Variants in NSMCE2 observed in about 807,000 individuals in gnomAD.
NSMCE2 encodes the protein NSE2 SUMO ligase component of SMC5/6 complex.
NSMCE2 carries 24 observed loss-of-function variants against 23.8 expected under a neutral mutation model. The ratio of observed to expected loss-of-function variants is 1.01; its 90% CI spans 0.73 to 1.42. NSMCE2 has a LOEUF of 1.42. NSMCE2 is among the 40% of genes most tolerant of loss of function. The pLI is 0.00. For synonymous variants in NSMCE2, 92 were observed against 94.1 expected (o/e 0.98, Z 0.13); for missense variants, 284 against 296.5 (o/e 0.96, Z 0.31).
At chr8:125,266,631 C>T (rs1216496002) in intron 5 of NSMCE2, among the ~76,000 whole-genome samples, 2 of 152,112 alleles carry the variant, frequency 1.3e-5, no homozygotes, top group Non-Finnish European at 2.9e-5. Context: ...TGATCATTTT[C>T]CTTATAGTTG....
chr8:125,286,959 T>C (rs1827929716), intron 5 of NSMCE2, among the ~76,000 whole-genome samples: 1 of 152,096 alleles, frequency 6.6e-6, no homozygotes, highest in South Asian at 2.1e-4. Flanking sequence ...AATTGGGAGG[T>C]GAACTCCCGA....
At chr8:125,119,388 C>T (rs963330515) in intron 3 of NSMCE2, among the ~76,000 whole-genome samples, 2 of 152,192 alleles carry the variant, frequency 1.3e-5, no homozygotes, top group African/African-American at 2.4e-5. Flanking sequence ...GTTTTTAAAA[C>T]AGCGTGTATA....
At chr8:125,235,779 T>G (rs934820216) in intron 5 of NSMCE2, among the ~76,000 whole-genome samples, 4 of 152,246 alleles carry the variant, frequency 2.6e-5, no homozygotes, top group African/African-American at 9.6e-5. Flanking sequence ...AGAGCAGGAA[T>G]GGTTACATAC....
At chr8:125,314,000 T>G (rs1829076875) in intron 5 of NSMCE2, among the ~76,000 whole-genome samples, 1 of 152,178 alleles carries the variant, frequency 6.6e-6, no homozygotes, top group East Asian at 1.9e-4. Context: ...GGGTAGTTAT[T>G]TAGAATAATG....
intron 5 of NSMCE2, among the ~76,000 whole-genome samples, chr8:125,349,692 G>A (rs1170511047): frequency 6.6e-6 from 1 of 152,114 alleles, no homozygotes; most frequent in African/African-American, 2.4e-5. Context: ...CTAACTGGTA[G>A]CCAAATTTGG....
At chr8:125,190,779 A>G (rs1823309216) in intron 5 of NSMCE2, among the ~76,000 whole-genome samples, 1 of 152,232 alleles carries the variant, frequency 6.6e-6, no homozygotes, top group Non-Finnish European at 1.5e-5. Flanking sequence ...TACCTAAAGT[A>G]CTGAGTGCTG....
intron 5 of NSMCE2, among the ~76,000 whole-genome samples, chr8:125,231,030 C>A (rs976750436): frequency 2.0e-5 from 3 of 152,126 alleles, no homozygotes; most frequent in Non-Finnish European, 4.4e-5. Context: ...ATTAAAAATT[C>A]TAGTATCTGA....
chr8:125,192,857 A>C (rs1018152204), intron 5 of NSMCE2, among the ~76,000 whole-genome samples: 6 of 152,236 alleles, frequency 3.9e-5, no homozygotes, highest in African/African-American at 1.2e-4. Flanking sequence ...ATGATAGATG[A>C]TGATGACGCG....
At chr8:125,295,451 C>T (rs11988647) in intron 5 of NSMCE2, among the ~76,000 whole-genome samples, 4,631 of 152,226 alleles carry the variant, frequency 0.03, 211 homozygotes, top group African/African-American at 0.1. Context: ...TAGGATTTCT[C>T]AGAAATCTCC....
In NSMCE2 at chr8:125,210,216, A is replaced by T. The variant is rs142356170; in HGVS notation, c.418+27960A>T. Reference sequence around the variant, plus strand: ...ATTGTTGTGGAGATTCAATGAATTTATATATGAAAGTCATTTGCAACAGTG... The same window carrying T: ...ATTGTTGTGGAGATTCAATGAATTTTTATATGAAAGTCATTTGCAACAGTG... On this transcript the variant is annotated intron_variant, in intron 5 of 7. Coordinates refer to ENST00000287437, the MANE Select transcript of NSMCE2 (RefSeq NM_173685.4). 2.6e-4 allele frequency among the ~76,000 whole-genome samples: 39 copies of T among 152,358 alleles called. No individual in the cohort carries two copies. In the East Asian group the frequency reaches 7.5e-3, roughly 29 times the overall value.
At chr8:125,364,993 A>G (rs947550554) in intron 7 of NSMCE2, among the ~76,000 whole-genome samples, 14 of 152,190 alleles carry the variant, frequency 9.2e-5, no homozygotes, top group Admixed American at 7.9e-4. Context: ...TTGAGAAGAA[A>G]TAGGTGGTTT....
At chr8:125,267,221 T>C (rs1826959477) in intron 5 of NSMCE2, among the ~76,000 whole-genome samples, 2 of 152,100 alleles carry the variant, frequency 1.3e-5, no homozygotes, top group African/African-American at 4.8e-5. Context: ...TTGGCCAGGC[T>C]GGTCTCAAAC....
chr8:125,219,385 T>C (rs767635673), intron 5 of NSMCE2, among the ~76,000 whole-genome samples: 6 of 152,180 alleles, frequency 3.9e-5, no homozygotes, highest in Non-Finnish European at 8.8e-5. Flanking sequence ...TTACTCTGGA[T>C]TGAATATTAA....
intron 5 of NSMCE2, among the ~76,000 whole-genome samples, chr8:125,282,313 C>T (rs1009472898): frequency 7.2e-5 from 11 of 152,072 alleles, no homozygotes; most frequent in African/African-American, 2.4e-4. Flanking sequence ...GGGGTTTCAC[C>T]ATGTTGGCCA....
chr8:125,169,444 C>T (rs773947696), intron 4 of NSMCE2, among the ~76,000 whole-genome samples: 11 of 152,196 alleles, frequency 7.2e-5, no homozygotes, highest in Non-Finnish European at 1.5e-4. Flanking sequence ...CCCACAGTGA[C>T]GTTTTCCCCA....
chr8:125,159,259 A>G (rs761725149), intron 4 of NSMCE2, among the ~76,000 whole-genome samples: 14 of 152,232 alleles, frequency 9.2e-5, no homozygotes, highest in Non-Finnish European at 1.5e-4. Context: ...TATTGTAGGT[A>G]TGTATGTATA....
chr8:125,301,984 G>A (rs545242328), intron 5 of NSMCE2, among the ~76,000 whole-genome samples: 265 of 147,620 alleles, frequency 1.8e-3, no homozygotes, highest in Admixed American at 3.3e-3. Context: ...TTTTGAGACC[G>A]AGTCTCACTC....
At chr8:125,251,356 T>G (rs1826190327) in intron 5 of NSMCE2, among the ~76,000 whole-genome samples, 2 of 152,116 alleles carry the variant, frequency 1.3e-5, no homozygotes, top group Admixed American at 1.3e-4. Context: ...AAACTTAAAT[T>G]TTTGAGAGAT....
rs186182897 is a variant in NSMCE2, at chr8:125,119,002, G to T, written c.157+16515G>T. ...GTGCGCATAAATTTCTTGTAATTTT[G>T]TCCTTCCTCCAGTGGCCCAGTTGTA... On this transcript the variant is annotated intron_variant, in intron 3 of 7. Transcript: ENST00000287437. Among the ~76,000 whole-genome samples, 9 of 152,230 alleles carry T rather than the reference G, an allele frequency of 5.9e-5. No homozygotes were observed. The East Asian group carries it at 1.7e-3, about 29-fold the overall frequency.
Sources: allele counts gnomAD v4.1 joint callset (sites outside exome capture counted in the v4.1 genomes callset), GRCh38; gene constraint gnomAD v4.1.1; transcripts MANE v1.5; gene names NCBI Gene and HGNC (gene_info 2026-07-23, HGNC 2026-07-21).